The following DGKH variants were observed in gnomAD, a reference collection of about 807,000 sequenced individuals.
The protein encoded by DGKH is diacylglycerol kinase eta, also known as DAG kinase eta.
Under a neutral mutation model 159.3 loss-of-function variants are expected in DGKH, and 90 were observed. The ratio of observed to expected loss-of-function variants is 0.57; its 90% CI spans 0.48 to 0.67. The LOEUF is 0.67. Ranked by LOEUF, DGKH falls within the 30% of genes least tolerant of loss-of-function variation. The pLI is 0.00. For missense variants in DGKH, 1,181 were observed against 1,506.1 expected (o/e 0.78, Z 3.57); for synonymous variants, 536 against 553.8 (o/e 0.97, Z 0.45).
chr13:42,248,935 C>A (rs1594272742), intron 29 of DGKH, among the ~76,000 whole-genome samples: 1 of 152,150 alleles, frequency 6.6e-6, no homozygotes, highest in East Asian at 1.9e-4. Flanking sequence ...GAATGTGTCC[C>A]CGTTAGGTGA....
In DGKH at chr13:42,232,637, G is replaced by A. The variant is rs1438489024; in HGVS notation, c.*3449G>A. On this transcript the variant is annotated 3_prime_UTR_variant, in exon 30 of 30. Transcript: ENST00000337343. ...GGTGGGTCATTTAACTAAGTGTTAG[G>A]AAGAAAACAATTTAAAGACACTAAT... 1 of 152,152 alleles carries A rather than the reference G, an allele frequency of 6.6e-6. No individual in the cohort carries two copies. The highest frequency in any genetic ancestry group is 2.4e-5 in the African/African-American group (1 of 41,446). 9.4% of individuals were successfully genotyped at this position (152,152 alleles called of 1,614,324 possible). A position where few individuals can be genotyped will look rare whatever the true frequency, so the allele number is the denominator to read the frequency against.
chr13:42,132,431 A>G (rs1955307272), intron 3 of DGKH, among the ~76,000 whole-genome samples: 1 of 152,228 alleles, frequency 6.6e-6, no homozygotes. Flanking sequence ...AGAGGGTTTC[A>G]GAATTTAAGA....
At chr13:42,142,200 G>T (rs1035163840) in intron 3 of DGKH, among the ~76,000 whole-genome samples, 3 of 152,164 alleles carry the variant, frequency 2.0e-5, no homozygotes, top group Admixed American at 2.0e-4. Context: ...AAGATCGAAT[G>T]GTTGTAGATA....
rs372202533 is a variant in DGKH at position 42,048,835 on chromosome 13, C to G, written c.62C>G (p.Ala21Gly). ...PGAAGGAAAG[A>G]GAAVTSAAAS... ...GCCGCTGGAGGAGCGGCCGCCGGAG[C>G]CGGCGCCGCGGTCACCTCCGCCGCT... is the stretch of plus-strand genomic sequence containing the variant. The change falls in exon 1 of 30, where the codon GCC becomes GGC. Residue 21 changes from alanine (A) to glycine (G), a missense_variant. By Grantham distance (60) the Ala-to-Gly change is moderately conservative (BLOSUM62 0). Coordinates refer to ENST00000337343, the MANE Select transcript of DGKH (RefSeq NM_178009.5). The surrounding 1 kb of genome is among the most constrained non-coding windows in gnomAD (Gnocchi z 6.7). 3.0e-6 allele frequency: 4 copies of G among 1,345,962 alleles called. No individual in the cohort carries two copies. Among genetic ancestry groups the G allele is most frequent in the Admixed American group, 7.8e-5 (2 of 25,514 alleles). The allele number at this position is 1,345,962 out of a possible 1,614,324, so 83.4% of individuals were successfully genotyped here.
intron 1 of DGKH, among the ~76,000 whole-genome samples, chr13:42,063,679 C>T (rs1273650441): frequency 6.6e-6 from 1 of 152,104 alleles, no homozygotes; most frequent in Non-Finnish European, 1.5e-5. Context: ...GTGGCTCACG[C>T]CTGTCATCCC....
upstream of DGKH, among the ~76,000 whole-genome samples, chr13:42,047,927 G>A (rs773362764): frequency 6.6e-6 from 1 of 152,020 alleles, no homozygotes; most frequent in Non-Finnish European, 1.5e-5. Context: ...CCAGTTTCCT[G>A]TTAGCCGAAG....
chr13:42,127,609 G>T (rs1488433261), intron 2 of DGKH, 36 bp downstream of exon 2: 2 of 1,569,446 alleles, frequency 1.3e-6, no homozygotes, highest in African/African-American at 1.4e-5. Flanking sequence ...AGCAATTGAG[G>T]CTATGGATGG....
intron 20 of DGKH, among the ~76,000 whole-genome samples, chr13:42,201,981 G>A (rs1170102): frequency 0.22 from 33,377 of 151,994 alleles, 4,744 homozygotes; most frequent in East Asian, 0.41. Context: ...AATTGAGGGC[G>A]ATGCTAAACT....
intron 29 of DGKH, among the ~76,000 whole-genome samples, chr13:42,249,821 C>T (rs557311354): frequency 1.3e-5 from 2 of 151,882 alleles, no homozygotes; most frequent in African/African-American, 4.8e-5. Flanking sequence ...CAGGAACCAC[C>T]CTGGACCTAC....
Position 42,207,149 on chromosome 13 carries a change from CCT to C in DGKH, c.2601+1004_2601+1005del, listed in dbSNP as rs1566192757. On this transcript the variant is annotated intron_variant, in intron 21 of 29. Coordinates refer to ENST00000337343, the MANE Select transcript of DGKH (RefSeq NM_178009.5). The stretch of plus-strand genomic sequence containing the variant: ...TCCTTCCTTCCTTCCTTCCTTCCTT[CCT>C]TCCTTCCTTCCTTCCTTCCTTCCTT... Among the ~76,000 whole-genome samples, 407 of 72,250 alleles carry C rather than the reference CCT, an allele frequency of 5.6e-3. 38 individuals are homozygous for C. The highest frequency in any genetic ancestry group is 0.011 in the Middle Eastern group (2 of 182). 47.4% of individuals were successfully genotyped at this position (72,250 alleles called of 152,430 possible).
chr13:42,167,975 G>A (rs761142766), intron 9 of DGKH, among the ~76,000 whole-genome samples: 2 of 152,172 alleles, frequency 1.3e-5, no homozygotes, highest in Non-Finnish European at 2.9e-5. Context: ...AGGAGAAGAG[G>A]AGGAGAAAAA....
chr13:42,141,806 G>T (rs1232157118), intron 3 of DGKH, among the ~76,000 whole-genome samples: 1 of 152,142 alleles, frequency 6.6e-6, no homozygotes, highest in East Asian at 1.9e-4. Context: ...CCCTTTGTCA[G>T]ATGAGTAGAT....
chr13:42,079,912 A>C (rs1345821684), intron 1 of DGKH, among the ~76,000 whole-genome samples: 1 of 152,144 alleles, frequency 6.6e-6, no homozygotes, highest in African/African-American at 2.4e-5. Context: ...TGAGGTTTGA[A>C]AATGTCTGCT....
intron 27 of DGKH, 31 bp from the exon 28 acceptor site, chr13:42,219,654 GA>G (rs1957915665): frequency 1.3e-6 from 2 of 1,589,406 alleles, no homozygotes; most frequent in East Asian, 2.3e-5. Context: ...TTCATATCCT[GA>G]AAAAATTATT....
At chr13:42,163,713 G>GT (rs2137994905) in intron 7 of DGKH, among the ~76,000 whole-genome samples, 1 of 151,842 alleles carries the variant, frequency 6.6e-6, no homozygotes, top group African/African-American at 2.4e-5. Context: ...GGGGTTGTTT[G>GT]TTTTTTTCTT....
At chr13:42,170,745 C>A (rs1956433465) in intron 11 of DGKH, among the ~76,000 whole-genome samples, 1 of 152,126 alleles carries the variant, frequency 6.6e-6, no homozygotes, top group South Asian at 2.1e-4. Flanking sequence ...GAGTTCGAGA[C>A]CAGCCTGGCC....
intron 1 of DGKH, among the ~76,000 whole-genome samples, chr13:42,066,882 A>G (rs1882617706): frequency 6.6e-6 from 1 of 152,292 alleles, no homozygotes; most frequent in South Asian, 2.1e-4. Flanking sequence ...GGCATGAGCT[A>G]TAGTGCCGTT....
At chr13:42,101,772 TGAGAGAGAGA>T (rs35380630) in intron 1 of DGKH, among the ~76,000 whole-genome samples, 19 of 148,954 alleles carry the variant, frequency 1.3e-4, no homozygotes, top group Middle Eastern at 3.5e-3. Flanking sequence ...TGTGTGTGTG[TGAGAGAGAGA>T]GAGAGAGAGA....
chr13:42,256,546 T>A (rs1481133098), exon 31 of DGKH: 4 of 741,976 alleles, frequency 5.4e-6, no homozygotes, highest in African/African-American at 1.7e-5. Flanking sequence ...TTAAGTAAAT[T>A]TATAATGAAA....
Sources: allele counts gnomAD v4.1 joint callset (sites outside exome capture counted in the v4.1 genomes callset), GRCh38; gene constraint gnomAD v4.1.1; non-coding constraint Gnocchi (gnomAD v3.1); transcripts MANE v1.5; gene names NCBI Gene and HGNC (gene_info 2026-07-23, HGNC 2026-07-21).